The following DRC11 variants were observed in gnomAD, a reference collection of about 807,000 sequenced individuals.
DRC11 encodes the protein IQ and AAA domain-containing protein 1.
At chr2:236,435,294 G>A in the DRC11 span, among the ~76,000 whole-genome samples, 4 of 152,374 alleles carry the variant, frequency 2.6e-5, no homozygotes, top group East Asian at 7.7e-4. Flanking sequence ...CAAGGCAGAC[G>A]TGAACAGCAT....
chr2:236,315,851 C>T, the DRC11 span, among the ~76,000 whole-genome samples: 20 of 152,042 alleles, frequency 1.3e-4, no homozygotes, highest in South Asian at 2.1e-3. This position sits in a 1 kb window ranked among gnomAD's most constrained non-coding sequence, Gnocchi z 5.1. Flanking sequence ...TGTCGGAGGG[C>T]GGCGGGTTTG....
At chr2:236,439,448 GAAT>G in the DRC11 span, among the ~76,000 whole-genome samples, 9 of 152,106 alleles carry the variant, frequency 5.9e-5, no homozygotes, top group Non-Finnish European at 1.0e-4. Context: ...TAACTTCATA[GAAT>G]AATAAAAAGA....
At chr2:236,378,291 C>A in the DRC11 span, among the ~76,000 whole-genome samples, 137 of 152,196 alleles carry the variant, frequency 9.0e-4, no homozygotes, top group Non-Finnish European at 1.7e-3. Flanking sequence ...AGTGTTTTAA[C>A]TTGAATACTT....
At chr2:236,430,437 C>T in the DRC11 span, among the ~76,000 whole-genome samples, 489 of 152,224 alleles carry the variant, frequency 3.2e-3, 3 homozygotes, top group African/African-American at 0.011. The surrounding 1 kb of genome is among the most constrained non-coding windows in gnomAD (Gnocchi z 6.0). Context: ...CAAATGTTAG[C>T]GTATTATACA....
At chr2:236,465,756 A>C in the DRC11 span, 1 of 1,205,172 alleles carries the variant, frequency 8.3e-7, no homozygotes, top group Non-Finnish European at 1.2e-6. This position sits in a 1 kb window ranked among gnomAD's most constrained non-coding sequence, Gnocchi z 6.2. Context: ...TAAAAGTTAC[A>C]GAGTTGGTAA....
chr2:236,481,828 C>T, the DRC11 span, among the ~76,000 whole-genome samples: 1 of 150,524 alleles, frequency 6.6e-6, no homozygotes. Flanking sequence ...AATCTATATA[C>T]TTTAGAATTA....
At chr2:236,403,441 A>G in the DRC11 span, among the ~76,000 whole-genome samples, 2 of 151,668 alleles carry the variant, frequency 1.3e-5, no homozygotes, top group African/African-American at 2.4e-5. Context: ...GCTTATGAGC[A>G]GGGCAGCTAC....
At chr2:236,489,241 T>C in the DRC11 span, among the ~76,000 whole-genome samples, 1 of 129,870 alleles carries the variant, frequency 7.7e-6, no homozygotes, top group Non-Finnish European at 1.6e-5. Flanking sequence ...GGGCTCCGGG[T>C]GCAGGTGAGG....
At chr2:236,333,337 G>A in the DRC11 span, 263 of 152,664 alleles carry the variant, frequency 1.7e-3, 1 homozygote, top group African/African-American at 5.4e-3. The surrounding 1 kb of genome is among the most constrained non-coding windows in gnomAD (Gnocchi z 6.0). Flanking sequence ...GATTATCCTT[G>A]TCTAAATATA....
At chr2:236,441,447 C>A in the DRC11 span, among the ~76,000 whole-genome samples, 2 of 151,372 alleles carry the variant, frequency 1.3e-5, no homozygotes. Flanking sequence ...TAATTTCTTC[C>A]TGTTTAAAAT....
the DRC11 span, among the ~76,000 whole-genome samples, chr2:236,488,786 G>A: frequency 2.6e-5 from 4 of 152,214 alleles, no homozygotes; most frequent in African/African-American, 9.6e-5. Context: ...ATCAGGGCTG[G>A]TAAGTAAAAT....
chr2:236,502,330 G>A, the DRC11 span, among the ~76,000 whole-genome samples: 1 of 151,982 alleles, frequency 6.6e-6, no homozygotes, highest in South Asian at 2.1e-4. Context: ...TGTAATCCCA[G>A]CACTGGGTGA....
the DRC11 span, among the ~76,000 whole-genome samples, chr2:236,451,097 A>G: frequency 6.6e-6 from 1 of 152,290 alleles, no homozygotes; most frequent in Non-Finnish European, 1.5e-5. Flanking sequence ...AGGTTCTTAT[A>G]CTTTTCTTCC....
At chr2:236,383,400 T>C in the DRC11 span, among the ~76,000 whole-genome samples, 8 of 152,186 alleles carry the variant, frequency 5.3e-5, no homozygotes, top group African/African-American at 1.9e-4. Context: ...CTCTTAGTTT[T>C]ATCATTTTTT....
the DRC11 span, among the ~76,000 whole-genome samples, chr2:236,323,431 G>C: frequency 6.6e-6 from 1 of 152,192 alleles, no homozygotes; most frequent in Admixed American, 6.5e-5. The surrounding 1 kb of genome is among the most constrained non-coding windows in gnomAD (Gnocchi z 6.4). Context: ...TAGTTTGTTC[G>C]AGGGGACACT....
the DRC11 span, among the ~76,000 whole-genome samples, chr2:236,363,318 T>C: frequency 2.6e-5 from 4 of 152,252 alleles, no homozygotes; most frequent in Non-Finnish European, 5.9e-5. The surrounding 1 kb of genome is among the most constrained non-coding windows in gnomAD (Gnocchi z 5.6). Context: ...AGCACGTCTT[T>C]ACATTACTCT....
At chr2:236,324,746 G>A in the DRC11 span, 1 of 1,606,074 alleles carries the variant, frequency 6.2e-7, no homozygotes, top group Non-Finnish European at 8.5e-7. The surrounding 1 kb of genome is among the most constrained non-coding windows in gnomAD (Gnocchi z 5.7). Context: ...TATCGCCAAG[G>A]CACGTTTTTT....
chr2:236,363,913 A>AC, the DRC11 span: 2 of 1,613,870 alleles, frequency 1.2e-6, no homozygotes, highest in Non-Finnish European at 1.7e-6. The surrounding 1 kb of genome is among the most constrained non-coding windows in gnomAD (Gnocchi z 5.6). Flanking sequence ...TTTCTTCCCT[A>AC]CCCCAGACGG....
chr2:236,404,440 G>A, the DRC11 span, among the ~76,000 whole-genome samples: 1 of 152,146 alleles, frequency 6.6e-6, no homozygotes, highest in Non-Finnish European at 1.5e-5. Context: ...TGCTCCAGAT[G>A]AAGCCTTCCT....
Sources: allele counts gnomAD v4.1 joint callset (sites outside exome capture counted in the v4.1 genomes callset), GRCh38; gene constraint gnomAD v4.1.1; non-coding constraint Gnocchi (gnomAD v3.1); transcripts MANE v1.5; gene names NCBI Gene and HGNC (gene_info 2026-07-23, HGNC 2026-07-21).